Variants in MNX1 observed in about 807,000 individuals in gnomAD.
The protein encoded by MNX1 is motor neuron and pancreas homeobox 1.
In MNX1, 2 loss-of-function variants were observed where a neutral mutation model predicts 17.3. The ratio of observed to expected loss-of-function variants is 0.12; its 90% CI spans 0.05 to 0.36. The LOEUF is 0.36. Among genes scored for constraint, MNX1 ranks in the 10% least tolerant of loss-of-function variants. MNX1 has a pLI of 1.00. For missense variants in MNX1, 556 were observed against 564.7 expected (o/e 0.98, Z 0.16); for synonymous variants, 306 against 283.1 (o/e 1.08, Z -0.81).
At position 157,010,631 on chromosome 7, in the gene MNX1, A is replaced by T. The variant is rs900607491; in HGVS notation, c.-281T>A. The T allele has an allele frequency of 8.2e-6, 2 of 244,626 alleles. No homozygotes were observed. The highest frequency in any genetic ancestry group is 1.6e-5 in the Non-Finnish European group (2 of 126,116). 15.2% of individuals were successfully genotyped at this position (244,626 alleles called of 1,614,324 possible). ...CCCGGTTCTTTGCGCTGCAGCCCTC[A>T]GGCGACCGCGCGGAGGCCGCTGCCG... On this transcript the variant is annotated 5_prime_UTR_variant, in exon 1 of 3. Coordinates refer to ENST00000252971, the MANE Select transcript of MNX1 (RefSeq NM_005515.4).
Position 157,005,474 on chromosome 7 carries a change from G to A in MNX1, c.*46C>T, listed in dbSNP as rs1198773041. On this transcript the variant is annotated 3_prime_UTR_variant, in exon 3 of 3. Transcript: ENST00000252971. ...GCCGGGGCCTCCGGGAGAAGCCGCCGGCCGGGGCGCTCCGTGCGCGCCGCA... is the reference window on the plus strand; with the variant it reads ...GCCGGGGCCTCCGGGAGAAGCCGCCAGCCGGGGCGCTCCGTGCGCGCCGCA... 1.6e-6 allele frequency: 2 copies of A among 1,228,952 alleles called. No homozygotes were observed. Among genetic ancestry groups the A allele is most frequent in the Middle Eastern group, 3.1e-4 (1 of 3,198 alleles). 76.1% of individuals were successfully genotyped at this position (1,228,952 alleles called of 1,614,324 possible).
chr7:157,007,949 G>A (rs1475475743), intron 1 of MNX1: 1 of 152,252 alleles, frequency 6.6e-6, no homozygotes, highest in Non-Finnish European at 1.5e-5. Flanking sequence ...ACCAATTAAA[G>A]AAACCAAACA....
chr7:157,005,773 C>G lies in MNX1; in HGVS notation c.953G>C (p.Gly318Ala). 6.2e-7 allele frequency: 1 copy of G among 1,610,184 alleles called. No individual in the cohort carries two copies. ...CTCCGCGCCGCCCTTCCCCGCGCCC[C>G]CGCCGCCGCCCTTCTGTTTCTCCGC... is the stretch of plus-strand genomic sequence containing the variant. ...QEAEKQKGGG[G>A]GAGKGGAEEP... The change falls in exon 3 of 3, where the codon GGG becomes GCG. Residue 318 changes from glycine (G) to alanine (A), a missense_variant. Physicochemically the swap from Gly to Ala is moderately conservative, Grantham distance 60. Around this residue, in one of 7 missense-constraint regions of MNX1, gnomAD observed 178 missense variants for 155.2 expected, o/e 1.15. Transcript: ENST00000252971.
At chr7:157,009,253 C>T (rs1182848252) in intron 1 of MNX1, 8 of 1,425,350 alleles carry the variant, frequency 5.6e-6, no homozygotes, top group Non-Finnish European at 7.3e-6. Context: ...TCTCTAACGC[C>T]CCAGTGGGGG....
Position 157,010,132 on chromosome 7 carries a change from C to T in MNX1, c.219G>A (p.Leu73=), listed in dbSNP as rs1468319063. The change falls in exon 1 of 3, where the codon CTG becomes CTA. Residue 73 remains leucine, a synonymous_variant. Coordinates refer to ENST00000252971, the MANE Select transcript of MNX1 (RefSeq NM_005515.4). ...SEPPAAPADR[L]RAESPSPPRL... is the part of the protein sequence containing the mutation. ...GCGGCGGCGACGGGCTCTCGGCGCG[C>T]AGGCGGTCGGCGGGCGCAGCCGGCG... The T allele has an allele frequency of 9.8e-7, 1 of 1,025,524 alleles. No homozygotes were observed. Among genetic ancestry groups the T allele is most frequent in the Non-Finnish European group, 1.2e-6 (1 of 858,132 alleles). The allele number at this position is 1,025,524 out of a possible 1,614,324, so 63.5% of individuals were successfully genotyped here.
chr7:157,004,999 C>T lies in MNX1; in HGVS notation c.*521G>A, dbSNP rs1349483322. 9.0e-6 allele frequency: 2 copies of T among 221,860 alleles called. No homozygotes were observed. The highest frequency in any genetic ancestry group is 1.8e-5 in the Non-Finnish European group (2 of 110,942). 13.7% of individuals were successfully genotyped at this position (221,860 alleles called of 1,614,324 possible). A position where few individuals can be genotyped will look rare whatever the true frequency, so the allele number is the denominator to read the frequency against. ...GACAGTACAGTTTTGAGATTTCCAG[C>T]AGTTTGAACGCTCGTGACATAATCC... On this transcript the variant is annotated 3_prime_UTR_variant, in exon 3 of 3. Transcript: ENST00000252971. This position sits in a 1 kb window ranked among gnomAD's most constrained non-coding sequence, Gnocchi z 6.2.
At position 157,009,681 on chromosome 7, in the gene MNX1, G is replaced by C; in HGVS notation, c.670C>G (p.Pro224Ala). 2 of 1,609,162 alleles carry C rather than the reference G, an allele frequency of 1.2e-6. No individual in the cohort carries two copies. The highest frequency in any genetic ancestry group is 1.7e-6 in the Non-Finnish European group (2 of 1,179,156). ...TCACAGTTGAAGTCGGGCATCTTAGGCAGGATCATGCCCGCGGTGGACGCG... is the reference window on the plus strand; with the variant it reads ...TCACAGTTGAAGTCGGGCATCTTAGCCAGGATCATGCCCGCGGTGGACGCG... ...LRASTAGMIL[P>A]KMPDFNSQAQ... Residue 224 changes from proline to alanine, a missense_variant, in exon 1 of 3, where the codon CCT becomes GCT. Pro to Ala is a conservative substitution (Grantham distance 27). This residue lies in a region of MNX1 where 210 missense variants were observed against 211.3 expected (regional missense o/e 0.99). Coordinates refer to ENST00000252971, the MANE Select transcript of MNX1 (RefSeq NM_005515.4).
Position 157,006,463 on chromosome 7 carries a change from C to A in MNX1, c.852+16G>T. The A allele has an allele frequency of 6.2e-7, 1 of 1,606,020 alleles. No homozygotes were observed. Among genetic ancestry groups the A allele is most frequent in the South Asian group, 1.1e-5 (1 of 89,564 alleles). On this transcript the variant is annotated intron_variant, in intron 2 of 2. Transcript: ENST00000252971. This position sits in a 1 kb window ranked among gnomAD's most constrained non-coding sequence, Gnocchi z 6.3. ...CTGGGAGGCCGGGATGCGTCGGGGG[C>A]GGGGAGGGCGCGCACCTGGGTCTCG...
At chr7:157,007,445 A>G (rs1024333394) in intron 1 of MNX1, 1 of 152,460 alleles carries the variant, frequency 6.6e-6, no homozygotes, top group African/African-American at 2.4e-5. Context: ...TGTATTCACC[A>G]GGGACCCTCC....
Position 157,009,321 on chromosome 7 carries a change from C to A in MNX1, c.691+339G>T, listed in dbSNP as rs540352865. On this transcript the variant is annotated intron_variant, in intron 1 of 2. Transcript: ENST00000252971. ...CCCTGACCCCCATTCCCGGGCCTGC[C>A]TAATTCAGGGCGCTCTCGGCTCGCC... is the stretch of plus-strand genomic sequence containing the variant. 2.1e-6 allele frequency: 3 copies of A among 1,417,866 alleles called. No individual in the cohort carries two copies. In the South Asian group the frequency reaches 4.9e-5, roughly 23 times the overall value. 87.8% of individuals were successfully genotyped at this position (1,417,866 alleles called of 1,614,324 possible). A position where few individuals can be genotyped will look rare whatever the true frequency, so the allele number is the denominator to read the frequency against.
rs757330807 is a variant in MNX1, at chr7:157,010,035, T to TGCCGCCGCC, written c.307_315dup (p.Gly103_Gly105dup). ...TGGGGCCCCCCGTGCCCGCCGCCCG[T>TGCCGCCGCC]GCCGCCGCCGCCGCCGCCCGCGCCC... On this transcript the variant is annotated inframe_insertion, in exon 1 of 3. Coordinates refer to ENST00000252971, the MANE Select transcript of MNX1 (RefSeq NM_005515.4). 14 of 970,826 alleles carry TGCCGCCGCC rather than the reference T, an allele frequency of 1.4e-5. No individual in the cohort carries two copies. In the African/African-American group the frequency reaches 2.0e-4, roughly 14 times the overall value. 60.1% of individuals were successfully genotyped at this position (970,826 alleles called of 1,614,324 possible). A position where few individuals can be genotyped will look rare whatever the true frequency, so the allele number is the denominator to read the frequency against.
chr7:157,008,830 C>A (rs1805651574), intron 1 of MNX1: 1 of 669,286 alleles, frequency 1.5e-6, no homozygotes, highest in African/African-American at 1.8e-5. Flanking sequence ...GAGCCAGAGC[C>A]CCGGAGCCCC....
chr7:157,009,120 G>A, intron 1 of MNX1: 9 of 1,534,096 alleles, frequency 5.9e-6, no homozygotes, highest in Non-Finnish European at 7.0e-6. Context: ...CCAGAGGAGG[G>A]CAGCGCCCTG....
chr7:157,006,379 C>A lies in MNX1; in HGVS notation c.852+100G>T. 7.4e-7 allele frequency: 1 copy of A among 1,351,048 alleles called. No homozygotes were observed. Among genetic ancestry groups the A allele is most frequent in the Non-Finnish European group, 1.0e-6 (1 of 994,992 alleles). The allele number at this position is 1,351,048 out of a possible 1,614,324, so 83.7% of individuals were successfully genotyped here. On this transcript the variant is annotated intron_variant, in intron 2 of 2. Coordinates refer to ENST00000252971, the MANE Select transcript of MNX1 (RefSeq NM_005515.4). This position sits in a 1 kb window ranked among gnomAD's most constrained non-coding sequence, Gnocchi z 6.3. ...GCGCCCGCCGTCTGAACCGTCGAGGCGCAGCGCTAGATGCCTCAGACCGCC... is the reference window on the plus strand; with the variant it reads ...GCGCCCGCCGTCTGAACCGTCGAGGAGCAGCGCTAGATGCCTCAGACCGCC...
At position 157,010,066 on chromosome 7, in the gene MNX1, G is replaced by C; in HGVS notation, c.285C>G (p.Gly95=). 6 of 997,508 alleles carry C rather than the reference G, an allele frequency of 6.0e-6. No homozygotes were observed. The highest frequency in any genetic ancestry group is 4.8e-6 in the Non-Finnish European group (4 of 841,326). 61.8% of individuals were successfully genotyped at this position (997,508 alleles called of 1,614,324 possible). ...CGCCGCCGCCGCCCGCGCCCAGGAA[G>C]CCCGGCTTGGGCAGCAGCGCGCAGT... ...AAHCALLPKP[G]FLGAGGGGGG... Residue 95 remains glycine (G), a synonymous_variant, in exon 1 of 3, where the codon GGC becomes GGG. Transcript: ENST00000252971.
chr7:157,010,205 C>G lies in MNX1; in HGVS notation c.146G>C (p.Gly49Ala). The G allele has an allele frequency of 8.7e-7, 1 of 1,148,562 alleles. No individual in the cohort carries two copies. The highest frequency in any genetic ancestry group is 1.1e-6 in the Non-Finnish European group (1 of 923,558). 71.1% of individuals were successfully genotyped at this position (1,148,562 alleles called of 1,614,324 possible). A position where few individuals can be genotyped will look rare whatever the true frequency, so the allele number is the denominator to read the frequency against. ...GCTGCCGCTAGTCCCGCCGCTCGCC[C>G]CGCCGCCGCCGCCGCCACCTCCGGT... is the stretch of plus-strand genomic sequence containing the variant. The part of the protein sequence containing the change: ...SGTGGGGGGG[G>A]ASGGTSGSCS... The change falls in exon 1 of 3, where the codon GGG (glycine) becomes GCG (alanine). Residue 49 changes from glycine (G) to alanine (A), a missense_variant. Physicochemically the swap from Gly to Ala is moderately conservative, Grantham distance 60 (BLOSUM62 0). This residue lies in a region of MNX1 where 115 missense variants were observed against 103.5 expected (regional missense o/e 1.11). Coordinates refer to ENST00000252971, the MANE Select transcript of MNX1 (RefSeq NM_005515.4).
At position 157,009,865 on chromosome 7, in the gene MNX1, C is replaced by A; in HGVS notation, c.486G>T (p.Pro162=). ...LPAQAALYGH[P]VYGYSAAAAA... ...CCGCCGCCGCGGAGTAGCCGTAGAC[C>A]GGGTGGCCGTAGAGCGCCGCCTGCG... Residue 162 remains proline (P), a synonymous_variant, in exon 1 of 3, where the codon CCG becomes CCT. Coordinates refer to ENST00000252971, the MANE Select transcript of MNX1 (RefSeq NM_005515.4). The A allele has an allele frequency of 6.7e-7, 1 of 1,482,274 alleles. No individual in the cohort carries two copies. Among genetic ancestry groups the A allele is most frequent in the South Asian group, 1.3e-5 (1 of 78,596 alleles). 91.8% of individuals were successfully genotyped at this position (1,482,274 alleles called of 1,614,324 possible). A position where few individuals can be genotyped will look rare whatever the true frequency, so the allele number is the denominator to read the frequency against.
At chr7:157,009,598 C>A (rs1805669110) in intron 1 of MNX1, 62 bp downstream of exon 1, 1 of 1,577,656 alleles carries the variant, frequency 6.3e-7, no homozygotes, top group Non-Finnish European at 8.6e-7. Flanking sequence ...GCAGGCGGTG[C>A]CGGTGGAGGA....
chr7:157,009,790 C>A lies in MNX1; in HGVS notation c.561G>T (p.Pro187=). 3 of 1,576,848 alleles carry A rather than the reference C, an allele frequency of 1.9e-6. No individual in the cohort carries two copies. Among genetic ancestry groups the A allele is most frequent in the Non-Finnish European group, 2.6e-6 (3 of 1,167,200 alleles). Residue 187 remains proline, a synonymous_variant, in exon 1 of 3, where the codon CCG becomes CCT. Coordinates refer to ENST00000252971, the MANE Select transcript of MNX1 (RefSeq NM_005515.4). ...GQHPALSYSY[P]QVQGAHPAHP... ...GCGCGGGGTGCGCGCCTTGCACCTGCGGGTACGAGTAGGAGAGCGCCGGGT... is the reference window on the plus strand; with the variant it reads ...GCGCGGGGTGCGCGCCTTGCACCTGAGGGTACGAGTAGGAGAGCGCCGGGT...
Sources: allele counts gnomAD v4.1 joint callset, GRCh38; gene constraint gnomAD v4.1.1; regional missense constraint gnomAD v4.1.1; non-coding constraint Gnocchi (gnomAD v3.1); transcripts MANE v1.5; gene names NCBI Gene and HGNC (gene_info 2026-07-23, HGNC 2026-07-21).